The following COPA variants were observed in gnomAD, a reference collection of about 807,000 sequenced individuals.
The protein encoded by COPA is coat protein complex I subunit alpha.
COPA carries 10 observed loss-of-function variants against 158.7 expected under a neutral mutation model. The ratio of observed to expected loss-of-function variants is 0.06; its 90% CI spans 0.04 to 0.11. COPA has a LOEUF of 0.11. Among genes scored for constraint, COPA ranks in the 10% least tolerant of loss-of-function variants. COPA has a pLI of 1.00. For synonymous variants in COPA, 462 were observed against 542.8 expected, an observed-to-expected ratio of 0.85 and a Z score of 2.07; for missense variants, 1,065 against 1,536.7, an observed-to-expected ratio of 0.69 and a Z score of 5.13.
intron 25 of COPA, among the ~76,000 whole-genome samples, chr1:160,293,681 A>C (rs1658313916): frequency 6.6e-6 from 1 of 151,960 alleles, no homozygotes; most frequent in Non-Finnish European, 1.5e-5. Context: ...TTTTTTGTAG[A>C]GATGGGGTTT....
At position 160,299,252 on chromosome 1, in the gene COPA, G is replaced by A. The variant is rs1319923647; in HGVS notation, c.1680C>T (p.Ile560=). 26 of 1,612,426 alleles carry A rather than the reference G, an allele frequency of 1.6e-5. No individual in the cohort carries two copies. Among genetic ancestry groups the A allele is most frequent in the Non-Finnish European group, 2.2e-5 (26 of 1,178,616 alleles). Residue 560 remains isoleucine (I), a synonymous_variant, in exon 18 of 33, where the codon ATC becomes ATT. Coordinates refer to ENST00000241704, the MANE Select transcript of COPA (RefSeq NM_004371.4). ...KYAVTTGDHG[I]IRTLDLPIYV... is the part of the protein sequence containing the mutation. ...AGATGGGTAAATCCAGAGTTCGAAT[G>A]ATCCCGTGGTCCCTAAGAACAGAGG...
intron 8 of COPA, 82 bp from the exon 9 acceptor site, chr1:160,314,207 A>G (rs1436858053): frequency 1.4e-6 from 2 of 1,449,076 alleles, no homozygotes; most frequent in Non-Finnish European, 1.9e-6. Context: ...CCTCTTCATC[A>G]AGAACTAAGT....
chr1:160,295,589 C>A (rs1658371500), intron 23 of COPA, 147 bp downstream of exon 23: 6 of 865,022 alleles, frequency 6.9e-6, no homozygotes, highest in Non-Finnish European at 9.7e-6. Context: ...GTTTTTAAGA[C>A]TGCACCATAA....
intron 4 of COPA, 131 bp downstream of exon 4, chr1:160,335,111 A>AC: frequency 1.4e-6 from 1 of 699,832 alleles, no homozygotes; most frequent in Non-Finnish European, 2.3e-6. Context: ...AAAGGACAAT[A>AC]CCACACAGAT....
chr1:160,325,869 G>A (rs1417694021), intron 6 of COPA, among the ~76,000 whole-genome samples: 1 of 152,202 alleles, frequency 6.6e-6, no homozygotes, highest in Non-Finnish European at 1.5e-5. Context: ...CACTTAAACA[G>A]ATCCATTACT....
At position 160,309,135 on chromosome 1, in the gene COPA, G is replaced by T; in HGVS notation, c.1185C>A (p.Thr395=). 3 of 1,613,698 alleles carry T rather than the reference G, an allele frequency of 1.9e-6. No individual in the cohort carries two copies. The highest frequency in any genetic ancestry group is 2.5e-6 in the Non-Finnish European group (3 of 1,179,652). ...TCTGGGAGTCAGCATCTTTAGGGATGGTGTACAGGTCATAGGTACTATTCT... is the reference window on the plus strand; with the variant it reads ...TCTGGGAGTCAGCATCTTTAGGGATTGTGTACAGGTCATAGGTACTATTCT... ...NLENSTYDLY[T]IPKDADSQNP... Residue 395 remains threonine (T), a synonymous_variant, in exon 13 of 33, where the codon ACC becomes ACA. Transcript: ENST00000241704.
In COPA at chr1:160,295,873, G is replaced by T. The variant is rs978473310; in HGVS notation, c.2353-14C>A. On this transcript the variant is annotated splice_polypyrimidine_tract_variant and intron_variant, in intron 22 of 32. Transcript: ENST00000241704. ...AATGTCTGGGATCTGAATAGTAGAAGAAAAGAGGCTAAAAACAAATAGCAC... is the reference window on the plus strand; with the variant it reads ...AATGTCTGGGATCTGAATAGTAGAATAAAAGAGGCTAAAAACAAATAGCAC... The T allele has an allele frequency of 7.5e-6, 12 of 1,594,650 alleles. No individual in the cohort carries two copies. The African/African-American group carries it at 1.4e-4, about 18-fold the overall frequency.
chr1:160,322,060 T>G (rs1293095858), intron 8 of COPA, among the ~76,000 whole-genome samples: 2 of 152,132 alleles, frequency 1.3e-5, no homozygotes, highest in Non-Finnish European at 1.5e-5. Context: ...AGATTTATTG[T>G]ATTCCCCATC....
Position 160,294,542 on chromosome 1 carries a change from C to A in COPA, c.2618G>T (p.Gly873Val). The stretch of plus-strand genomic sequence containing the variant: ...ATCCCAGCCACCTCCTTCTTCCTGT[C>A]CCTTGCCAAGAGCATCATCCCCCAA... ...EGLGDDALGK[G>V]QEEGGGWDVE... Residue 873 changes from glycine (G) to valine (V), a missense_variant, in exon 25 of 33, where the codon GGA (glycine) becomes GTA (valine). Physicochemically the swap from Gly to Val is moderately radical, Grantham distance 109. Coordinates refer to ENST00000241704, the MANE Select transcript of COPA (RefSeq NM_004371.4). 1 of 1,614,216 alleles carries A rather than the reference C, an allele frequency of 6.2e-7. No individual in the cohort carries two copies. The highest frequency in any genetic ancestry group is 8.5e-7 in the Non-Finnish European group (1 of 1,180,044).
chr1:160,337,898 T>C (rs1647851182), intron 3 of COPA, among the ~76,000 whole-genome samples: 1 of 152,194 alleles, frequency 6.6e-6, no homozygotes, highest in African/African-American at 2.4e-5. Context: ...CAATGGCTTT[T>C]AATATATTCA....
chr1:160,290,044 A>T lies in COPA; in HGVS notation c.*113T>A. 1.0e-6 allele frequency: 1 copy of T among 979,966 alleles called. No individual in the cohort carries two copies. Among genetic ancestry groups the T allele is most frequent in the Non-Finnish European group, 1.6e-6 (1 of 634,368 alleles). The allele number at this position is 979,966 out of a possible 1,614,324, so 60.7% of individuals were successfully genotyped here. On this transcript the variant is annotated 3_prime_UTR_variant, in exon 33 of 33. Transcript: ENST00000241704. ...AAAAAGATACTAGGTTTTAGGGTAC[A>T]GAGAGCCAGATCTGAAGAGTAGCTG...
intron 17 of COPA, 165 bp downstream of exon 17, chr1:160,305,268 T>C: frequency 1.7e-6 from 1 of 597,830 alleles, no homozygotes; most frequent in Non-Finnish European, 2.8e-6. Flanking sequence ...TTTCTCAATT[T>C]TAAAAAAGTT....
intron 27 of COPA, 43 bp downstream of exon 27, chr1:160,293,123 C>G (rs750016153): frequency 6.3e-7 from 1 of 1,599,186 alleles, no homozygotes; most frequent in East Asian, 2.2e-5. Context: ...TCCCGGGGAC[C>G]CTGGGCTAGG....
intron 5 of COPA, chr1:160,333,342 T>C (rs183384569): frequency 2.8e-6 from 1 of 353,262 alleles, no homozygotes; most frequent in East Asian, 4.8e-5. Flanking sequence ...GGGAAAATAA[T>C]TGAAAACCAG....
intron 32 of COPA, 135 bp downstream of exon 32, chr1:160,290,357 A>C: frequency 7.4e-7 from 1 of 1,356,470 alleles, no homozygotes; most frequent in Non-Finnish European, 1.0e-6. Context: ...CAGTGGGGAG[A>C]TGCTCTAGCT....
At chr1:160,323,632 T>C in intron 7 of COPA, 102 bp from the exon 8 acceptor site, 2 of 855,406 alleles carry the variant, frequency 2.3e-6, no homozygotes, top group Non-Finnish European at 3.4e-6. Flanking sequence ...TGATTTATTC[T>C]TCATGTGAAC....
intron 32 of COPA, 21 bp from the exon 33 acceptor site, chr1:160,290,237 G>A: frequency 1.2e-6 from 2 of 1,613,478 alleles, no homozygotes; most frequent in South Asian, 1.1e-5. Context: ...ACAAACAAAG[G>A]AACAAGTTAG....
At chr1:160,321,352 G>T (rs1424258237) in intron 8 of COPA, among the ~76,000 whole-genome samples, 3 of 152,174 alleles carry the variant, frequency 2.0e-5, no homozygotes, top group Non-Finnish European at 2.9e-5. Context: ...GGTCAAGTAG[G>T]TATGAGAAAC....
At chr1:160,331,643 C>T (rs1647524941) in intron 6 of COPA, among the ~76,000 whole-genome samples, 1 of 130,358 alleles carries the variant, frequency 7.7e-6, no homozygotes, top group African/African-American at 3.1e-5. Flanking sequence ...AGTGAGACTC[C>T]ATCTCAAAAA....
Sources: allele counts gnomAD v4.1 joint callset (sites outside exome capture counted in the v4.1 genomes callset), GRCh38; gene constraint gnomAD v4.1.1; transcripts MANE v1.5; gene names NCBI Gene and HGNC (gene_info 2026-07-23, HGNC 2026-07-21).